Variants in MYRF observed in about 807,000 individuals in gnomAD.
MYRF encodes the protein myelin regulatory factor.
MYRF carries 16 observed loss-of-function variants against 126.3 expected under a neutral mutation model. That is an observed-to-expected ratio of 0.13 (90% CI 0.09 to 0.19). The LOEUF (loss-of-function observed/expected upper bound fraction) is 0.19, where lower values mean the gene tolerates loss of function less well. Ranked by LOEUF, MYRF falls within the 10% of genes least tolerant of loss-of-function variation. The pLI is 1.00. For synonymous variants in MYRF, 608 were observed against 635.3 expected, an observed-to-expected ratio of 0.96 and a Z score of 0.65; for missense variants, 1,104 against 1,547.0, an observed-to-expected ratio of 0.71 and a Z score of 4.80.
intron 1 of MYRF, among the ~76,000 whole-genome samples, chr11:61,758,343 TCC>T (rs2065815038): frequency 6.6e-6 from 1 of 152,128 alleles, no homozygotes; most frequent in African/African-American, 2.4e-5. Context: ...CCCTCTCTTC[TCC>T]CTCTATGGCT....
intron 5 of MYRF, among the ~76,000 whole-genome samples, chr11:61,770,982 T>A (rs2066203718): frequency 6.6e-6 from 1 of 152,230 alleles, no homozygotes; most frequent in Non-Finnish European, 1.5e-5. Flanking sequence ...ATGTGGAGAT[T>A]CCATGAAAGG....
chr11:61,785,989 G>A, intron 26 of MYRF, 74 bp from the exon 27 acceptor site: 2 of 1,556,228 alleles, frequency 1.3e-6, no homozygotes, highest in Non-Finnish European at 1.8e-6. Context: ...ACAGTGTCAA[G>A]CAATGTCAGC....
chr11:61,783,776 G>A lies in MYRF; in HGVS notation c.3120-75G>A. ...TCTGGAGGGCTCCAGTACAGATTGG[G>A]GGCTGAGGAGTCCCTGGTGGGGGTG... On this transcript the variant is annotated intron_variant, in intron 23 of 26. Transcript: ENST00000278836. The surrounding 1 kb of genome is among the most constrained non-coding windows in gnomAD (Gnocchi z 4.6). 3 of 1,473,954 alleles carry A rather than the reference G, an allele frequency of 2.0e-6. No individual in the cohort carries two copies. The South Asian group carries it at 3.6e-5, about 18-fold the overall frequency. 91.3% of individuals were successfully genotyped at this position (1,473,954 alleles called of 1,614,324 possible). A position where few individuals can be genotyped will look rare whatever the true frequency, so the allele number is the denominator to read the frequency against.
At chr11:61,755,882 T>G (rs1330407713) in intron 1 of MYRF, among the ~76,000 whole-genome samples, 1 of 152,110 alleles carries the variant, frequency 6.6e-6, no homozygotes, top group Non-Finnish European at 1.5e-5. Flanking sequence ...AAAGACCACT[T>G]GGAGTTTAGT....
chr11:61,771,835 T>C lies in MYRF; in HGVS notation c.998T>C (p.Leu333Pro). Residue 333 changes from leucine to proline, a missense_variant, in exon 7 of 27, where the codon CTG (leucine) becomes CCG (proline). Physicochemically the swap from Leu to Pro is moderately conservative, Grantham distance 98. Coordinates refer to ENST00000278836, the MANE Select transcript of MYRF (RefSeq NM_001127392.3). ...HPPGAPSPGLLQDSDSLSGSY... is the reference protein window; with the variant it reads ...HPPGAPSPGLPQDSDSLSGSY... ...GGGCGTTCCCTCCCTCCAGGCCTCC[T>C]GCAGGACAGTGACAGCCTCAGTGGC... is the stretch of plus-strand genomic sequence containing the variant. 1 of 1,614,058 alleles carries C rather than the reference T, an allele frequency of 6.2e-7. No homozygotes were observed. Among genetic ancestry groups the C allele is most frequent in the Non-Finnish European group, 8.5e-7 (1 of 1,179,984 alleles).
chr11:61,754,118 G>A (rs1208442439), intron 1 of MYRF: 1 of 152,402 alleles, frequency 6.6e-6, no homozygotes, highest in Non-Finnish European at 1.5e-5. Context: ...GATTCCTGTG[G>A]AGTCCTGTGG....
rs145554708 is a variant in MYRF at position 61,760,161 on chromosome 11, G to A, written c.47-5464G>A. Among the ~76,000 whole-genome samples the A allele has an allele frequency of 5.6e-3, 852 of 152,132 alleles. 9 individuals carry two copies. Among genetic ancestry groups the A allele is most frequent in the African/African-American group, 0.02 (819 of 41,502 alleles). ...TTTTTGTATTTTTAGGAGAGACAGC[G>A]TTTCACCATGTTGATCAAGCTGGTC... On this transcript the variant is annotated intron_variant, in intron 1 of 26. Coordinates refer to ENST00000278836, the MANE Select transcript of MYRF (RefSeq NM_001127392.3).
intron 1 of MYRF, among the ~76,000 whole-genome samples, chr11:61,764,016 C>T: frequency 6.6e-6 from 1 of 152,214 alleles, no homozygotes; most frequent in Non-Finnish European, 1.5e-5. Context: ...AACCCAGGCA[C>T]ACAGACTGGC....
intron 21 of MYRF, 75 bp from the exon 22 acceptor site, chr11:61,781,498 G>A (rs2066546169): frequency 6.4e-7 from 1 of 1,564,392 alleles, no homozygotes; most frequent in African/African-American, 1.4e-5. Context: ...ACTCAGTCTT[G>A]TGGGGCCCTA....
intron 4 of MYRF, 95 bp from the exon 5 acceptor site, chr11:61,770,151 G>T: frequency 7.8e-7 from 1 of 1,288,802 alleles, no homozygotes; most frequent in South Asian, 1.5e-5. Flanking sequence ...GGCTCAGGAC[G>T]GGGTGGAAGC....
Position 61,765,667 on chromosome 11 carries a change from C to T in MYRF, c.89C>T (p.Thr30Ile). The T allele has an allele frequency of 6.2e-7, 1 of 1,613,170 alleles. No homozygotes were observed. The highest frequency in any genetic ancestry group is 8.5e-7 in the Non-Finnish European group (1 of 1,179,878). Residue 30 changes from threonine (T) to isoleucine (I), a missense_variant, in exon 2 of 27, where the codon ACC (threonine) becomes ATC (isoleucine). By Grantham distance (89) the Thr-to-Ile change is moderately conservative. Transcript: ENST00000278836. ...NGALEPSNID[T>I]SILEEYISKE... ...GCCCTGGAGCCCTCCAACATAGACA[C>T]CAGCATCCTGGAGGAGTACATCAGC...
chr11:61,775,031 A>T (rs1490822036), intron 8 of MYRF, among the ~76,000 whole-genome samples: 2 of 150,710 alleles, frequency 1.3e-5, no homozygotes, highest in Non-Finnish European at 3.0e-5. Flanking sequence ...TCTTTCCCCA[A>T]CCTCATCATG....
Position 61,777,488 on chromosome 11 carries a change from G to A in MYRF, c.1791+24G>A. 6.3e-7 allele frequency: 1 copy of A among 1,575,904 alleles called. No homozygotes were observed. Among genetic ancestry groups the A allele is most frequent in the Non-Finnish European group, 8.6e-7 (1 of 1,160,612 alleles). On this transcript the variant is annotated intron_variant, in intron 12 of 26. Transcript: ENST00000278836. The surrounding 1 kb of genome is among the most constrained non-coding windows in gnomAD (Gnocchi z 8.8). The stretch of plus-strand genomic sequence containing the variant: ...AGGTGGGGACAGGGCTGTGGGGGCC[G>A]GGCGGGTCCAGACGCTGGAGCGGGC...
chr11:61,763,825 A>C (rs7944894), intron 1 of MYRF, among the ~76,000 whole-genome samples: 182 of 152,302 alleles, frequency 1.2e-3, no homozygotes, highest in African/African-American at 4.2e-3. Context: ...AGATTGCACC[A>C]CTGCACTCCA....
intron 4 of MYRF, among the ~76,000 whole-genome samples, 167 bp downstream of exon 4, chr11:61,769,488 G>A (rs2066149693): frequency 6.6e-6 from 1 of 152,202 alleles, no homozygotes; most frequent in Admixed American, 6.5e-5. Context: ...CCCCACGGGC[G>A]GGTGGGGAGC....
Position 61,757,086 on chromosome 11 carries a change from C to G in MYRF, c.46+4296C>G. The G allele has an allele frequency of 2.3e-6, 1 of 438,616 alleles. No individual in the cohort carries two copies. The highest frequency in any genetic ancestry group is 1.6e-5 in the South Asian group (1 of 63,968). The allele number at this position is 438,616 out of a possible 1,614,324, so 27.2% of individuals were successfully genotyped here. ...CTACCCAGGCAGCCTGCCTTACCTT[C>G]CCACCTTCCTCTTCACGGACCTAGC... On this transcript the variant is annotated intron_variant, in intron 1 of 26. Coordinates refer to ENST00000278836, the MANE Select transcript of MYRF (RefSeq NM_001127392.3). This position sits in a 1 kb window ranked among gnomAD's most constrained non-coding sequence, Gnocchi z 4.7.
intron 1 of MYRF, among the ~76,000 whole-genome samples, chr11:61,761,573 C>A (rs2065903490): frequency 6.6e-6 from 1 of 152,228 alleles, no homozygotes; most frequent in Admixed American, 6.5e-5. Flanking sequence ...GGGGCAGGAC[C>A]TGGAGGGGCC....
chr11:61,755,749 C>CT, intron 1 of MYRF: 1 of 614,282 alleles, frequency 1.6e-6, no homozygotes, highest in Non-Finnish European at 3.0e-6. Context: ...GAAGGGGTGC[C>CT]TGCTGGCCCT....
intron 8 of MYRF, 75 bp downstream of exon 8, chr11:61,774,237 A>T: frequency 7.3e-7 from 1 of 1,377,640 alleles, no homozygotes. Flanking sequence ...AGAAAAAGCA[A>T]GCGTTGGCTG....
Sources: gnomAD v4.1 joint callset for allele counts (sites outside exome capture counted in the v4.1 genomes callset) on GRCh38, gnomAD v4.1.1 for gene constraint, Gnocchi (gnomAD v3.1) non-coding constraint, MANE v1.5 for transcripts, NCBI Gene and HGNC (gene_info 2026-07-23, HGNC 2026-07-21) for gene names.